Variants in ITIH6 observed in about 807,000 individuals in gnomAD.
ITIH6 encodes inter-alpha-trypsin inhibitor heavy chain family member 6.
A neutral mutation model predicts 58.2 loss-of-function variants in ITIH6; 60 were observed. That is an observed-to-expected ratio of 1.03 (90% confidence interval 0.84 to 1.28). ITIH6 has a LOEUF of 1.28. ITIH6 is among the 50% of genes most tolerant of loss of function. ITIH6 has a pLI of 0.00. For missense variants in ITIH6, 1,290 were observed against 1,021.1 expected (o/e 1.26, Z -3.59); for synonymous variants, 493 against 417.4 (o/e 1.18, Z -2.21).
At chrX:54,774,833 G>C (rs1052475520) in intron 5 of ITIH6, among the ~76,000 whole-genome samples, 2 of 111,898 alleles carry the variant, frequency 1.8e-5, no homozygotes, top group South Asian at 7.4e-4. Context: ...GCAGAGCCTC[G>C]GGGCTGGGAC....
rs1464778774 is a variant in ITIH6, at chrX:54,748,967, G to A, written c.*928C>T. On this transcript the variant is annotated 3_prime_UTR_variant, in exon 13 of 13. Coordinates refer to ENST00000218436, the MANE Select transcript of ITIH6 (RefSeq NM_198510.3). Reference sequence around the variant, plus strand: ...CCTGATTCTGCCACTCTGGCTCCCTGTCCCCATCTTTTTATGTCTCTATAC... The same window carrying A: ...CCTGATTCTGCCACTCTGGCTCCCTATCCCCATCTTTTTATGTCTCTATAC... 9.0e-6 allele frequency: 1 copy of A among 110,927 alleles called. No individual in the cohort carries two copies. The highest frequency in any genetic ancestry group is 2.8e-4 in the East Asian group (1 of 3,524). The allele number at this position is 110,927 out of a possible 1,213,427, so 9.1% of individuals were successfully genotyped here.
rs764449806 is a variant in ITIH6, at chrX:54,775,911, G to A, written c.787-1714C>T. On this transcript the variant is annotated intron_variant, in intron 5 of 12. Coordinates refer to ENST00000218436, the MANE Select transcript of ITIH6 (RefSeq NM_198510.3). The stretch of plus-strand genomic sequence containing the variant: ...AGCTCCACTGATCGTCATCCCCCTA[G>A]GAAGGACACCAATTTAACAACCATC... Among the ~76,000 whole-genome samples, 53 of 110,983 alleles carry A rather than the reference G, an allele frequency of 4.8e-4. 1 individual carries two copies. Among genetic ancestry groups the A allele is most frequent in the Non-Finnish European group, 2.3e-4 (12 of 52,807 alleles).
chrX:54,764,453 C>G (rs1440546072), intron 6 of ITIH6, among the ~76,000 whole-genome samples: 4 of 103,756 alleles, frequency 3.9e-5, no homozygotes, highest in Non-Finnish European at 7.8e-5. Flanking sequence ...TATTCCGCTT[C>G]CTGTGTCCAT....
At chrX:54,760,502 C>A (rs1928612348) in intron 6 of ITIH6, among the ~76,000 whole-genome samples, 1 of 111,442 alleles carries the variant, frequency 9.0e-6, no homozygotes, top group African/African-American at 3.3e-5. Context: ...AGGTTTGTTA[C>A]ATATGTATAC....
chrX:54,779,825 G>A (rs751021183), intron 5 of ITIH6, among the ~76,000 whole-genome samples: 2 of 110,771 alleles, frequency 1.8e-5, no homozygotes, highest in Non-Finnish European at 3.8e-5. Context: ...GACACACATA[G>A]ACTACAAATA....
Position 54,757,817 on chromosome X carries a change from G to T in ITIH6, c.2257C>A (p.Pro753Thr), listed in dbSNP as rs1398018140. The change falls in exon 8 of 13, where the codon CCC becomes ACC. Residue 753 changes from proline to threonine, a missense_variant. Transcript: ENST00000218436. ...SLSHQNPDIL[P>T]TNSRTQVPPV... The stretch of plus-strand genomic sequence containing the variant: ...GGGACTTGTGTCCTGGAGTTCGTGG[G>T]TAATATATCAGGATTCTGGTGTGAT... 1.7e-5 allele frequency: 20 copies of T among 1,209,152 alleles called. No homozygotes were observed. Among genetic ancestry groups the T allele is most frequent in the Non-Finnish European group, 2.2e-5 (20 of 894,717 alleles).
intron 6 of ITIH6, among the ~76,000 whole-genome samples, chrX:54,770,975 G>A (rs1432348529): frequency 9.0e-6 from 1 of 111,293 alleles, no homozygotes; most frequent in Non-Finnish European, 1.9e-5. Flanking sequence ...GATGTATACA[G>A]AATTCTAGGC....
rs754005624 is a variant in ITIH6, at chrX:54,749,995, T to A, written c.3842A>T (p.Asp1281Val). The change falls in exon 13 of 13, where the codon GAC (aspartate) becomes GTC (valine). Residue 1281 changes from aspartate to valine, a missense_variant. By Grantham distance (152) the Asp-to-Val change is radical (BLOSUM62 -3). Transcript: ENST00000218436. ...CCAGCGGGGCAGCAGCCTTGGTGAG[T>A]CCTTCAGCAGCCTCTTGCCTAGAAT... ...PVILGKRLLKDSPRLLPRWAS... is the reference protein window; with the variant it reads ...PVILGKRLLKVSPRLLPRWAS... 4.1e-6 allele frequency: 5 copies of A among 1,210,837 alleles called. No individual in the cohort carries two copies. The highest frequency in any genetic ancestry group is 1.8e-5 in the South Asian group (1 of 56,886).
chrX:54,773,676 A>G (rs1358774531), intron 6 of ITIH6, among the ~76,000 whole-genome samples: 3 of 108,915 alleles, frequency 2.8e-5, no homozygotes, highest in Non-Finnish European at 5.7e-5. Context: ...AGTACTCTAT[A>G]CTATTAGGCC....
chrX:54,760,462 T>C (rs1029443938), intron 6 of ITIH6, among the ~76,000 whole-genome samples: 2 of 111,538 alleles, frequency 1.8e-5, no homozygotes, highest in Non-Finnish European at 3.8e-5. Context: ...TATTATACTT[T>C]AAGCTCTAGG....
chrX:54,762,657 G>T lies in ITIH6; in HGVS notation c.904-2730C>A, dbSNP rs1156980194. 3.6e-5 allele frequency among the ~76,000 whole-genome samples: 4 copies of T among 111,911 alleles called. No individual in the cohort carries two copies. The East Asian group carries it at 1.1e-3, about 32-fold the overall frequency. On this transcript the variant is annotated intron_variant, in intron 6 of 12. Coordinates refer to ENST00000218436, the MANE Select transcript of ITIH6 (RefSeq NM_198510.3). The stretch of plus-strand genomic sequence containing the variant: ...CCTTAAGTTGCCAACCCTGACCCCT[G>T]CCCTTCTCACTTAGATATTCCCTGT...
At position 54,788,631 on chromosome X, in the gene ITIH6, G is replaced by C. The variant is rs778795387; in HGVS notation, c.635C>G (p.Pro212Arg). ...CTCTCCCCTCTCGATCCTGGTGGATGGGGGTGAATCCACCTCACCTGTATG... is the reference window on the plus strand; with the variant it reads ...CTCTCCCCTCTCGATCCTGGTGGATCGGGGTGAATCCACCTCACCTGTATG... ...NAHASEVDSP[P>R]STRIERGETC... The change falls in exon 5 of 13, where the codon CCA becomes CGA. Residue 212 changes from proline to arginine, a missense_variant. Transcript: ENST00000218436. The C allele has an allele frequency of 1.7e-6, 2 of 1,207,468 alleles. No homozygotes were observed. Among genetic ancestry groups the C allele is most frequent in the South Asian group, 3.5e-5 (2 of 56,639 alleles).
Position 54,762,184 on chromosome X carries a change from T to C in ITIH6, c.904-2257A>G, listed in dbSNP as rs774281174. On this transcript the variant is annotated intron_variant, in intron 6 of 12. Coordinates refer to ENST00000218436, the MANE Select transcript of ITIH6 (RefSeq NM_198510.3). Reference sequence around the variant, plus strand: ...TTGTAAGTTGGATTCCTAGGTATTTTATTCTCTTTGAAGCAATTGTGACTG... The same window carrying C: ...TTGTAAGTTGGATTCCTAGGTATTTCATTCTCTTTGAAGCAATTGTGACTG... Among the ~76,000 whole-genome samples the C allele has an allele frequency of 1.3e-3, 144 of 111,880 alleles. 2 individuals are homozygous for C. Among genetic ancestry groups the C allele is most frequent in the African/African-American group, 4.1e-3 (127 of 30,790 alleles).
chrX:54,756,617 A>G (rs1361513621), intron 8 of ITIH6, among the ~76,000 whole-genome samples: 1 of 111,752 alleles, frequency 8.9e-6, no homozygotes, highest in East Asian at 2.8e-4. Flanking sequence ...GCCTCATCCA[A>G]TGATGCATTC....
rs139183502 is a variant in ITIH6, at chrX:54,751,117, C to A, written c.3616G>T (p.Glu1206Ter). The A allele has an allele frequency of 2.8e-4, 342 of 1,206,793 alleles. No individual in the cohort carries two copies. Among genetic ancestry groups the A allele is most frequent in the Non-Finnish European group, 3.6e-4 (326 of 893,646 alleles). The change falls in exon 12 of 13, where the codon GAG becomes TAG. Residue 1206 changes from glutamate to a stop codon, truncating the protein, a stop_gained. Transcript: ENST00000218436. LOFTEE classifies it high-confidence loss of function. Reference sequence around the variant, plus strand: ...TAGCGGTGTCGGAGGACTAGGAACTCAAGGTAGGGCCCAAGGCGGAGGGTA... The same window carrying A: ...TAGCGGTGTCGGAGGACTAGGAACTAAAGGTAGGGCCCAAGGCGGAGGGTA... ...RLTLRLGPYL[E>*]FLVLRHRYRH...
At chrX:54,778,630 T>C (rs1375540327) in intron 5 of ITIH6, among the ~76,000 whole-genome samples, 2 of 112,020 alleles carry the variant, frequency 1.8e-5, no homozygotes, top group Non-Finnish European at 3.8e-5. Context: ...CATGCCTACA[T>C]GATCTAGAAA....
intron 2 of ITIH6, among the ~76,000 whole-genome samples, chrX:54,793,488 G>A (rs1929383260): frequency 8.9e-6 from 1 of 112,115 alleles, no homozygotes; most frequent in Non-Finnish European, 1.9e-5. Flanking sequence ...TTAGAGTCAT[G>A]TTGGATTCTC....
intron 5 of ITIH6, among the ~76,000 whole-genome samples, chrX:54,786,383 AC>A (rs1459741312): frequency 1.8e-5 from 2 of 111,090 alleles, no homozygotes. Context: ...GACCCTGTAA[AC>A]ACGACCTCAC....
intron 6 of ITIH6, among the ~76,000 whole-genome samples, chrX:54,768,244 G>A (rs1293349908): frequency 2.1e-5 from 1 of 46,985 alleles, no homozygotes; most frequent in East Asian, 6.4e-4. Flanking sequence ...CATTTGCTTG[G>A]TAGATCTTCC....
Sources: gnomAD v4.1 joint callset for allele counts (sites outside exome capture counted in the v4.1 genomes callset) on GRCh38, gnomAD v4.1.1 for gene constraint, MANE v1.5 for transcripts, NCBI Gene and HGNC (gene_info 2026-07-23, HGNC 2026-07-21) for gene names.